Variants in NRXN3 observed in about 807,000 individuals in gnomAD.
NRXN3 encodes the protein neurexin 3.
In NRXN3, 32 loss-of-function variants were observed where a neutral mutation model predicts 137.6. The ratio of observed to expected loss-of-function variants is 0.23; its 90% CI spans 0.18 to 0.31. NRXN3 has a LOEUF of 0.31. Among genes scored for constraint, NRXN3 ranks in the 10% least tolerant of loss-of-function variants. NRXN3 has a pLI of 1.00. For synonymous variants in NRXN3, 798 were observed against 784.5 expected (o/e 1.02, Z -0.29); for missense variants, 1,574 against 2,062.5 (o/e 0.76, Z 4.59).
At chr14:79,747,072 A>G (rs2098982045) in intron 19 of NRXN3, among the ~76,000 whole-genome samples, 1 of 152,112 alleles carries the variant, frequency 6.6e-6, no homozygotes, top group Admixed American at 6.6e-5. Context: ...AAGTTCTGCT[A>G]GGGAAGAAAT....
rs1340734457 is a variant in NRXN3, at chr14:79,074,276, AG to A, written c.3262+86138del. The stretch of plus-strand genomic sequence containing the variant: ...AAAATATTTGCCCAATGTATTTCAA[AG>A]GGTAATTTTAATGATCAAAATGATA... On this transcript the variant is annotated intron_variant, in intron 15 of 20. Transcript: ENST00000335750. 7.2e-5 allele frequency among the ~76,000 whole-genome samples: 11 copies of A among 152,346 alleles called. No homozygotes were observed. In the East Asian group the frequency reaches 1.2e-3, roughly 16 times the overall value.
chr14:78,527,582 T>A (rs1216074862), intron 4 of NRXN3, among the ~76,000 whole-genome samples: 1 of 152,218 alleles, frequency 6.6e-6, no homozygotes, highest in Non-Finnish European at 1.5e-5. Flanking sequence ...CTTTTCTGTG[T>A]TATTTTTATG....
intron 15 of NRXN3, among the ~76,000 whole-genome samples, chr14:79,438,881 C>T (rs955573664): frequency 6.6e-6 from 1 of 152,210 alleles, no homozygotes; most frequent in Non-Finnish European, 1.5e-5. Context: ...CACTTATGCC[C>T]GGCTGATCAC....
intron 17 of NRXN3, among the ~76,000 whole-genome samples, chr14:79,665,479 C>T (rs553921179): frequency 1.7e-4 from 26 of 152,232 alleles, no homozygotes; most frequent in African/African-American, 6.3e-4. Flanking sequence ...ATGCTTCCTG[C>T]TTAATCCCTG....
intron 15 of NRXN3, among the ~76,000 whole-genome samples, chr14:79,163,126 G>A (rs1381944604): frequency 6.6e-6 from 1 of 151,898 alleles, no homozygotes; most frequent in Admixed American, 6.6e-5. Context: ...CTGATAAGTG[G>A]TGGACCTTAG....
chr14:78,300,611 G>C (rs1487368934), intron 4 of NRXN3: 6 of 1,200,670 alleles, frequency 5.0e-6, no homozygotes, highest in Non-Finnish European at 7.1e-6. Context: ...CTCTCTCTCT[G>C]TCTCTCTCTG....
chr14:78,578,889 CT>C (rs1263387267), intron 4 of NRXN3, among the ~76,000 whole-genome samples: 5 of 151,582 alleles, frequency 3.3e-5, no homozygotes, highest in Non-Finnish European at 2.9e-5. Flanking sequence ...TCTACAGGCT[CT>C]TTTTTCCTAG....
chr14:79,125,808 C>T lies in NRXN3; in HGVS notation c.3262+137667C>T, dbSNP rs544784464. Among the ~76,000 whole-genome samples, 10 of 152,116 alleles carry T rather than the reference C, an allele frequency of 6.6e-5. No individual in the cohort carries two copies. The South Asian group carries it at 1.7e-3, about 25-fold the overall frequency. ...CTCTTTTTTTGCTCGTCTTTTTCAT[C>T]TCTCGCTGATGATTGTCAACTGCAA... On this transcript the variant is annotated intron_variant, in intron 15 of 20. Coordinates refer to ENST00000335750, the MANE Select transcript of NRXN3 (RefSeq NM_001330195.2).
At chr14:79,383,226 A>G (rs2094519517) in intron 15 of NRXN3, among the ~76,000 whole-genome samples, 1 of 152,006 alleles carries the variant, frequency 6.6e-6, no homozygotes. Flanking sequence ...ATATAAATAG[A>G]TTGGCACTGT....
chr14:78,178,491 G>A (rs1425183771), intron 1 of NRXN3, among the ~76,000 whole-genome samples: 1 of 152,172 alleles, frequency 6.6e-6, no homozygotes, highest in Non-Finnish European at 1.5e-5. Flanking sequence ...AGGGAGTTGA[G>A]GTGATTTGGG....
intron 3 of NRXN3, among the ~76,000 whole-genome samples, chr14:78,295,318 G>A (rs930544236): frequency 3.9e-5 from 6 of 152,010 alleles, no homozygotes; most frequent in Admixed American, 1.3e-4. Context: ...CGTGTATCTC[G>A]TTTTCTGGCC....
chr14:78,376,017 CACAT>C (rs879275807), intron 4 of NRXN3, among the ~76,000 whole-genome samples: 1,868 of 148,546 alleles, frequency 0.013, 36 homozygotes, highest in African/African-American at 0.037. Context: ...CACACACACA[CACAT>C]ACACACACAC....
At chr14:79,323,374 G>T (rs955786108) in intron 15 of NRXN3, among the ~76,000 whole-genome samples, 2 of 152,098 alleles carry the variant, frequency 1.3e-5, no homozygotes, top group African/African-American at 4.8e-5. Context: ...ATTAGCTGTG[G>T]TCAGTACAGA....
intron 16 of NRXN3, among the ~76,000 whole-genome samples, chr14:79,660,952 G>A (rs1278685143): frequency 6.6e-6 from 1 of 152,018 alleles, no homozygotes; most frequent in Admixed American, 6.6e-5. Context: ...AGGCATGAGG[G>A]TCGTGGGCAG....
At chr14:78,716,451 G>A (rs773138467) in intron 8 of NRXN3, among the ~76,000 whole-genome samples, 1 of 152,160 alleles carries the variant, frequency 6.6e-6, no homozygotes, top group Non-Finnish European at 1.5e-5. Context: ...CATTTATTTA[G>A]CTGAGGAGTT....
chr14:78,836,082 A>G (rs2098995993), intron 10 of NRXN3, among the ~76,000 whole-genome samples: 1 of 152,188 alleles, frequency 6.6e-6, no homozygotes, highest in East Asian at 1.9e-4. Flanking sequence ...CACTGAATCA[A>G]TTTTTAAGGT....
intron 8 of NRXN3, among the ~76,000 whole-genome samples, chr14:78,731,295 G>T (rs895720913): frequency 1.3e-5 from 2 of 151,950 alleles, no homozygotes; most frequent in Non-Finnish European, 2.9e-5. Flanking sequence ...TATAAAAATT[G>T]TCATCTGTGG....
At chr14:78,665,776 C>T (rs548966702) in intron 6 of NRXN3, among the ~76,000 whole-genome samples, 9 of 152,104 alleles carry the variant, frequency 5.9e-5, no homozygotes, top group South Asian at 4.2e-4. Context: ...GTCCAGGAGG[C>T]GATGGTGGCC....
intron 16 of NRXN3, among the ~76,000 whole-genome samples, chr14:79,526,985 T>C (rs1340318101): frequency 6.6e-6 from 1 of 152,032 alleles, no homozygotes; most frequent in Non-Finnish European, 1.5e-5. Flanking sequence ...ATCTAAGTAG[T>C]AGTAACAAGA....
Sources: allele counts gnomAD v4.1 joint callset (sites outside exome capture counted in the v4.1 genomes callset), GRCh38; gene constraint gnomAD v4.1.1; transcripts MANE v1.5; gene names NCBI Gene and HGNC (gene_info 2026-07-23, HGNC 2026-07-21).